Variants in SLC25A24 observed in about 807,000 individuals in gnomAD.
SLC25A24 encodes solute carrier family 25 member 24, also known as mitochondrial adenyl nucleotide antiporter SLC25A24.
Under a neutral mutation model 60.7 loss-of-function variants are expected in SLC25A24, and 49 were observed. That is an observed-to-expected ratio of 0.81 (90% CI 0.64 to 1.02). The LOEUF (loss-of-function observed/expected upper bound fraction) is 1.02. Among genes scored for constraint, SLC25A24 ranks in the 50% least tolerant of loss-of-function variants. SLC25A24 has a pLI of 0.00. For missense variants in SLC25A24, 564 were observed against 586.3 expected, an observed-to-expected ratio of 0.96 and a Z score of 0.39; for synonymous variants, 202 against 200.6, an observed-to-expected ratio of 1.01 and a Z score of -0.06.
chr1:108,175,927 A>G (rs1307232406), intron 3 of SLC25A24, among the ~76,000 whole-genome samples: 3 of 152,212 alleles, frequency 2.0e-5, no homozygotes, highest in Non-Finnish European at 4.4e-5. Context: ...AAAGACTGAA[A>G]TAAGTGCCTA....
At position 108,142,365 on chromosome 1, in the gene SLC25A24, T is replaced by TC. The variant is rs764448796; in HGVS notation, c.1098+1177dup. Among the ~76,000 whole-genome samples the TC allele has an allele frequency of 1.2e-4, 18 of 152,240 alleles. No individual in the cohort carries two copies. In the East Asian group the frequency reaches 3.3e-3, roughly 28 times the overall value. ...CACAATGTTGGAAAAGTAGAAATAATCCAAATGCTCTTCAACAGATGAAGG... is the reference window on the plus strand; with the variant it reads ...CACAATGTTGGAAAAGTAGAAATAATCCCAAATGCTCTTCAACAGATGAAGG... On this transcript the variant is annotated intron_variant, in intron 8 of 9. Coordinates refer to ENST00000565488, the MANE Select transcript of SLC25A24 (RefSeq NM_013386.5).
At chr1:108,149,776 T>C (rs925226411) in intron 6 of SLC25A24, among the ~76,000 whole-genome samples, 3 of 152,146 alleles carry the variant, frequency 2.0e-5, no homozygotes, top group Admixed American at 6.5e-5. Flanking sequence ...CCTGGACTTC[T>C]CCAGGGATCC....
rs1408831851 is a variant in SLC25A24 at position 108,157,611 on chromosome 1, T to G, written c.520A>C (p.Ile174Leu). Residue 174 changes from isoleucine to leucine, a missense_variant, in exon 5 of 10, where the codon ATA (isoleucine) becomes CTA (leucine). Ile to Leu is a conservative substitution (Grantham distance 5, BLOSUM62 2). Coordinates refer to ENST00000565488, the MANE Select transcript of SLC25A24 (RefSeq NM_013386.5). ...RFWKHSTGID[I>L]GDSLTIPDEF... ...TCTGGAATAGTTAAGCTATCCCCTA[T>G]GTCAATTCCCTGTAAAAATGAAAAA... The G allele has an allele frequency of 6.2e-7, 1 of 1,612,732 alleles. No individual in the cohort carries two copies. The highest frequency in any genetic ancestry group is 8.5e-7 in the Non-Finnish European group (1 of 1,178,980).
At chr1:108,157,047 G>A (rs1403916273) in intron 5 of SLC25A24, among the ~76,000 whole-genome samples, 4 of 152,150 alleles carry the variant, frequency 2.6e-5, no homozygotes, top group African/African-American at 9.7e-5. Flanking sequence ...TATAAAGCCA[G>A]ATCTTTTTCT....
intron 8 of SLC25A24, among the ~76,000 whole-genome samples, chr1:108,140,101 A>C (rs986982857): frequency 3.2e-4 from 48 of 152,296 alleles, no homozygotes; most frequent in African/African-American, 1.1e-3. Context: ...TATGTTATAT[A>C]ACAAGTTTAA....
chr1:108,185,989 T>C lies in SLC25A24; in HGVS notation c.184-35A>G, dbSNP rs200612335. The C allele has an allele frequency of 1.8e-5, 26 of 1,483,376 alleles. No individual in the cohort carries two copies. The Admixed American group carries it at 3.0e-4, about 17-fold the overall frequency. The allele number at this position is 1,483,376 out of a possible 1,614,324, so 91.9% of individuals were successfully genotyped here. A position where few individuals can be genotyped will look rare whatever the true frequency, so the allele number is the denominator to read the frequency against. The stretch of plus-strand genomic sequence containing the variant: ...AAAATTAGAGAGAAGTTATTGCCAA[T>C]ATGGGCTGATGCACTAAATTATTTC... On this transcript the variant is annotated intron_variant, in intron 1 of 9. Coordinates refer to ENST00000565488, the MANE Select transcript of SLC25A24 (RefSeq NM_013386.5).
chr1:108,137,678 T>C (rs1423266214), intron 9 of SLC25A24, among the ~76,000 whole-genome samples: 1 of 152,186 alleles, frequency 6.6e-6, no homozygotes, highest in Admixed American at 6.5e-5. Flanking sequence ...TCATGCAAAG[T>C]TCTGGATCAG....
chr1:108,135,759 T>G lies in SLC25A24; in HGVS notation c.*894A>C, dbSNP rs1018165686. On this transcript the variant is annotated 3_prime_UTR_variant, in exon 10 of 10. Coordinates refer to ENST00000565488, the MANE Select transcript of SLC25A24 (RefSeq NM_013386.5). ...CATCATTTGCTCATGATCAATCCAC[T>G]TCATGCAATTAAAAAAGAAATTTCA... is the stretch of plus-strand genomic sequence containing the variant. The G allele has an allele frequency of 6.6e-6, 1 of 152,616 alleles. No homozygotes were observed. Among genetic ancestry groups the G allele is most frequent in the Non-Finnish European group, 1.5e-5 (1 of 68,022 alleles). 9.5% of individuals were successfully genotyped at this position (152,616 alleles called of 1,614,324 possible).
At chr1:108,163,459 CT>C in intron 3 of SLC25A24, among the ~76,000 whole-genome samples, 1 of 150,422 alleles carries the variant, frequency 6.6e-6, no homozygotes, top group African/African-American at 2.5e-5. Context: ...TTTGTATCCT[CT>C]TTTATTTCAT....
chr1:108,179,640 C>T (rs1376723234), intron 3 of SLC25A24, among the ~76,000 whole-genome samples: 1 of 151,948 alleles, frequency 6.6e-6, no homozygotes, highest in Non-Finnish European at 1.5e-5. Flanking sequence ...CAGGTAAAGA[C>T]AAATAAATAC....
At chr1:108,170,002 C>A (rs910589246) in intron 3 of SLC25A24, among the ~76,000 whole-genome samples, 1 of 152,064 alleles carries the variant, frequency 6.6e-6, no homozygotes, top group African/African-American at 2.4e-5. Context: ...CCTGTTACTG[C>A]ATCTTTGCTA....
At chr1:108,196,592 T>A (rs828992) in intron 1 of SLC25A24, among the ~76,000 whole-genome samples, 1 of 152,168 alleles carries the variant, frequency 6.6e-6, no homozygotes, top group East Asian at 1.9e-4. Context: ...AAAAATACTA[T>A]TGGCTTACTT....
At chr1:108,147,786 G>A (rs534837105) in intron 7 of SLC25A24, among the ~76,000 whole-genome samples, 21 of 152,144 alleles carry the variant, frequency 1.4e-4, no homozygotes, top group Admixed American at 7.9e-4. Context: ...ATTTGTCTCC[G>A]GTTATTAACA....
At chr1:108,142,351 A>C (rs563985731) in intron 8 of SLC25A24, among the ~76,000 whole-genome samples, 1 of 152,364 alleles carries the variant, frequency 6.6e-6, no homozygotes, top group East Asian at 1.9e-4. Context: ...ACAATGTTGG[A>C]AAAGTAGAAA....
chr1:108,181,916 T>C, intron 3 of SLC25A24, 25 bp downstream of exon 3: 4 of 1,535,328 alleles, frequency 2.6e-6, no homozygotes, highest in Non-Finnish European at 3.6e-6. Flanking sequence ...TGAAAGTCAA[T>C]TGTTGACCAA....
intron 6 of SLC25A24, among the ~76,000 whole-genome samples, chr1:108,149,053 A>G (rs1679684189): frequency 6.6e-6 from 1 of 152,210 alleles, no homozygotes; most frequent in Non-Finnish European, 1.5e-5. Flanking sequence ...AGAAAATACA[A>G]GGTTAATCAA....
At chr1:108,154,522 G>A (rs1430467208) in intron 6 of SLC25A24, among the ~76,000 whole-genome samples, 1 of 152,172 alleles carries the variant, frequency 6.6e-6, no homozygotes, top group East Asian at 1.9e-4. Context: ...CTCTGTCTAG[G>A]TGCTGGAGTA....
chr1:108,161,692 T>G (rs1470130280), intron 3 of SLC25A24, among the ~76,000 whole-genome samples: 2 of 152,230 alleles, frequency 1.3e-5, no homozygotes, highest in East Asian at 3.8e-4. Flanking sequence ...AACATTTGAA[T>G]GTAGTTTTGA....
At chr1:108,195,147 C>G (rs1229841467) in intron 1 of SLC25A24, among the ~76,000 whole-genome samples, 1 of 151,794 alleles carries the variant, frequency 6.6e-6, no homozygotes, top group East Asian at 1.9e-4. Context: ...AGAAGTTAAG[C>G]AGTGTATTAC....
Sources: gnomAD v4.1 joint callset for allele counts (sites outside exome capture counted in the v4.1 genomes callset) on GRCh38, gnomAD v4.1.1 for gene constraint, MANE v1.5 for transcripts, NCBI Gene and HGNC (gene_info 2026-07-23, HGNC 2026-07-21) for gene names.